ZNF277: variants seen among roughly 807,000 people sequenced by gnomAD.
ZNF277 encodes nuclear receptor-interacting factor 4.
Under a neutral mutation model 60.7 loss-of-function variants are expected in ZNF277, and 55 were observed. The ratio of observed to expected loss-of-function variants is 0.91; its 90% CI spans 0.73 to 1.13. The LOEUF is 1.13. ZNF277 is among the 50% of genes most tolerant of loss of function. The pLI is 0.00. For synonymous variants in ZNF277, 178 were observed against 179.3 expected (o/e 0.99, Z 0.06); for missense variants, 510 against 523.0 (o/e 0.98, Z 0.24).
rs143496116 is a variant in ZNF277 at position 112,224,397 on chromosome 7, G to A, written c.91+17590G>A. ...TGGGCTGTGTGTGGCCCACGGGCCA[G>A]GGATTGGATAAGCTTGTGAGGAAAC... On this transcript the variant is annotated intron_variant, in intron 1 of 11. Coordinates refer to ENST00000361822, the MANE Select transcript of ZNF277 (RefSeq NM_021994.3). Among the ~76,000 whole-genome samples, 242 of 152,364 alleles carry A rather than the reference G, an allele frequency of 1.6e-3. 2 individuals are homozygous for A. Among genetic ancestry groups the A allele is most frequent in the African/African-American group, 5.5e-3 (230 of 41,578 alleles).
chr7:112,340,880 T>A lies in ZNF277; in HGVS notation c.1018T>A (p.Phe340Ile). The A allele has an allele frequency of 1.2e-6, 2 of 1,609,630 alleles. No homozygotes were observed. Among genetic ancestry groups the A allele is most frequent in the Non-Finnish European group, 8.5e-7 (1 of 1,178,414 alleles). Reference sequence around the variant, plus strand: ...TATTTTGTCATTTTCAGGATTAAATTTCTATCAGCAAGTGAAACTGGTCAA... The same window carrying A: ...TATTTTGTCATTTTCAGGATTAAATATCTATCAGCAAGTGAAACTGGTCAA... ...LKIKSELGLN[F>I]YQQVKLVNFI... The change falls in exon 11 of 12, where the codon TTC becomes ATC. Residue 340 changes from phenylalanine to isoleucine, a missense_variant. Phe to Ile is a conservative substitution (Grantham distance 21). Transcript: ENST00000361822.
rs201233024 is a variant in ZNF277 at position 112,339,864 on chromosome 7, C to T, written c.988C>T (p.Leu330Phe). 2.3e-4 allele frequency: 371 copies of T among 1,611,632 alleles called. 1 individual carries two copies. Among genetic ancestry groups the T allele is most frequent in the South Asian group, 1.9e-3 (173 of 91,056 alleles). ...HMEDAHEFDL[L>F]KIKSELGLNF... ...TTAGGATGCACACGAATTTGATCTTCTCAAAATAAAGTCAGAACTTGGTAA... is the reference window on the plus strand; with the variant it reads ...TTAGGATGCACACGAATTTGATCTTTTCAAAATAAAGTCAGAACTTGGTAA... Residue 330 changes from leucine (L) to phenylalanine (F), a missense_variant, in exon 10 of 12, where the codon CTC (leucine) becomes TTC (phenylalanine). Coordinates refer to ENST00000361822, the MANE Select transcript of ZNF277 (RefSeq NM_021994.3).
intron 1 of ZNF277, among the ~76,000 whole-genome samples, chr7:112,239,001 C>A (rs1350967787): frequency 6.6e-6 from 1 of 152,020 alleles, no homozygotes; most frequent in Non-Finnish European, 1.5e-5. Context: ...GGATTCATCA[C>A]CTAATGACTA....
chr7:112,261,206 A>G (rs148838129), intron 1 of ZNF277, among the ~76,000 whole-genome samples: 3 of 152,266 alleles, frequency 2.0e-5, no homozygotes, highest in East Asian at 3.9e-4. Context: ...CCCTTGTACT[A>G]TAGGTTATCT....
chr7:112,209,369 C>A (rs1821675040), intron 1 of ZNF277, among the ~76,000 whole-genome samples: 4 of 152,140 alleles, frequency 2.6e-5, no homozygotes, highest in Admixed American at 2.0e-4. Flanking sequence ...TATGAGTGTT[C>A]TTTCCCCCAT....
intron 1 of ZNF277, among the ~76,000 whole-genome samples, chr7:112,253,009 A>T (rs1051860171): frequency 6.6e-6 from 1 of 152,170 alleles, no homozygotes; most frequent in Non-Finnish European, 1.5e-5. Context: ...GCAAATCACA[A>T]TATGGTTTGA....
chr7:112,250,218 C>T (rs1791173662), intron 1 of ZNF277, among the ~76,000 whole-genome samples: 1 of 152,078 alleles, frequency 6.6e-6, no homozygotes, highest in Admixed American at 6.5e-5. Context: ...CTCCAGTCTC[C>T]CATAGCGCTC....
intron 11 of ZNF277, among the ~76,000 whole-genome samples, chr7:112,341,529 A>T (rs1233742757): frequency 1.3e-5 from 2 of 152,096 alleles, no homozygotes; most frequent in Admixed American, 6.5e-5. Flanking sequence ...AATTAAGCTG[A>T]ACTCCTAGAA....
intron 8 of ZNF277, among the ~76,000 whole-genome samples, chr7:112,337,127 T>C (rs1793349905): frequency 6.6e-6 from 1 of 152,148 alleles, no homozygotes. Context: ...GTTTTCCTGG[T>C]TTGGGAATGA....
intron 1 of ZNF277, among the ~76,000 whole-genome samples, chr7:112,210,540 C>G (rs1433299294): frequency 2.7e-5 from 4 of 149,398 alleles, no homozygotes; most frequent in African/African-American, 9.8e-5. Context: ...GGCACGATCT[C>G]AGCTCACTGC....
chr7:112,294,163 C>G (rs955788154), intron 2 of ZNF277, among the ~76,000 whole-genome samples: 3 of 152,200 alleles, frequency 2.0e-5, no homozygotes, highest in Admixed American at 1.3e-4. Flanking sequence ...TAAGCCTCCT[C>G]TTGTCTTCTC....
intron 1 of ZNF277, among the ~76,000 whole-genome samples, chr7:112,266,736 A>G (rs1791560552): frequency 6.6e-6 from 1 of 152,200 alleles, no homozygotes; most frequent in South Asian, 2.1e-4. Flanking sequence ...TACTACTAAA[A>G]GAATTGCTTC....
intron 1 of ZNF277, among the ~76,000 whole-genome samples, chr7:112,276,282 T>C (rs966499826): frequency 2.0e-5 from 3 of 152,232 alleles, no homozygotes; most frequent in Admixed American, 1.3e-4. Flanking sequence ...GACATGTTAA[T>C]AGCTTTAATA....
chr7:112,324,498 G>T (rs903456111), intron 5 of ZNF277, among the ~76,000 whole-genome samples: 1 of 152,040 alleles, frequency 6.6e-6, no homozygotes, highest in Non-Finnish European at 1.5e-5. Context: ...AATCATCTTG[G>T]CTGATCAAGA....
At chr7:112,211,169 G>A (rs912981653) in intron 1 of ZNF277, among the ~76,000 whole-genome samples, 1 of 152,162 alleles carries the variant, frequency 6.6e-6, no homozygotes, top group Non-Finnish European at 1.5e-5. Flanking sequence ...GATGTCTCTG[G>A]AAGAAAGAGG....
At chr7:112,296,931 T>TATTATTA (rs1563219797) in intron 4 of ZNF277, among the ~76,000 whole-genome samples, 4 of 84,072 alleles carry the variant, frequency 4.8e-5, no homozygotes, top group African/African-American at 1.1e-4. Context: ...TTTTTTTTTT[T>TATTATTA]TTTTTTTTTT....
intron 1 of ZNF277, among the ~76,000 whole-genome samples, chr7:112,218,939 TATCTC>T (rs1821956507): frequency 6.6e-6 from 1 of 152,246 alleles, no homozygotes; most frequent in Admixed American, 6.5e-5. Flanking sequence ...GGAGTGCAGA[TATCTC>T]ATAGGCACAC....
chr7:112,308,594 C>T (rs1200790317), intron 4 of ZNF277, among the ~76,000 whole-genome samples: 3 of 151,860 alleles, frequency 2.0e-5, no homozygotes, highest in Non-Finnish European at 2.9e-5. Flanking sequence ...GTTAGGAGGG[C>T]GGATGAGGAT....
chr7:112,330,495 A>C, intron 7 of ZNF277: 2 of 360,996 alleles, frequency 5.5e-6, no homozygotes, highest in Non-Finnish European at 4.9e-6. Context: ...GGATATCCAC[A>C]TACCATCCCC....
Sources: allele counts gnomAD v4.1 joint callset (sites outside exome capture counted in the v4.1 genomes callset), GRCh38; gene constraint gnomAD v4.1.1; transcripts MANE v1.5; gene names NCBI Gene and HGNC (gene_info 2026-07-23, HGNC 2026-07-21).